Variants in BLTP2 observed in about 807,000 individuals in gnomAD.
BLTP2 encodes U937-associated antigen.
the BLTP2 span, chr17:28,632,091 G>A: frequency 5.0e-6 from 8 of 1,614,188 alleles, no homozygotes; most frequent in Non-Finnish European, 6.8e-6. Flanking sequence ...GTTGCTTGTA[G>A]TGCTGACCAA....
At chr17:28,638,452 A>G in the BLTP2 span, 1 of 1,606,904 alleles carries the variant, frequency 6.2e-7, no homozygotes, top group Admixed American at 1.7e-5. Flanking sequence ...GCATGGAGCC[A>G]CTGTGGCCAT....
At chr17:28,640,151 T>A in the BLTP2 span, 8 of 1,040,230 alleles carry the variant, frequency 7.7e-6, no homozygotes, top group Non-Finnish European at 9.6e-6. Flanking sequence ...TCCCAGCCCT[T>A]TGGGAGGCCG....
chr17:28,617,082 G>A, the BLTP2 span: 2 of 1,207,586 alleles, frequency 1.7e-6, no homozygotes, highest in Non-Finnish European at 2.4e-6. Flanking sequence ...CAGAATGAGA[G>A]GAGAAGCAAT....
At chr17:28,617,184 C>T in the BLTP2 span, 14 of 1,486,904 alleles carry the variant, frequency 9.4e-6, no homozygotes, top group South Asian at 2.3e-5. Context: ...ATAAATGCCC[C>T]GTGCTAAAAA....
chr17:28,635,417 G>A, the BLTP2 span: 2 of 1,614,058 alleles, frequency 1.2e-6, no homozygotes, highest in Admixed American at 3.3e-5. Context: ...CGCTTTGGGG[G>A]TAATGGCTCA....
At chr17:28,639,758 T>C in the BLTP2 span, 1 of 1,407,850 alleles carries the variant, frequency 7.1e-7, no homozygotes, top group Non-Finnish European at 1.0e-6. Context: ...ACTTGTGAGC[T>C]GGGGCTATTT....
the BLTP2 span, chr17:28,642,323 C>T: frequency 6.2e-7 from 1 of 1,614,184 alleles, no homozygotes. Flanking sequence ...ATAAGCTCAC[C>T]TCACAGATTA....
the BLTP2 span, chr17:28,624,104 CTATGA>C: frequency 7.5e-7 from 1 of 1,337,904 alleles, no homozygotes; most frequent in Non-Finnish European, 1.0e-6. Flanking sequence ...AAGTGATTAC[CTATGA>C]TACCTATGAG....
At chr17:28,615,083 A>G in the BLTP2 span, 2 of 1,613,692 alleles carry the variant, frequency 1.2e-6, no homozygotes, top group Non-Finnish European at 1.7e-6. Context: ...CCTGCCAAAG[A>G]TGGACTTCTT....
At chr17:28,629,721 C>T in the BLTP2 span, among the ~76,000 whole-genome samples, 3 of 152,166 alleles carry the variant, frequency 2.0e-5, no homozygotes, top group African/African-American at 4.8e-5. Context: ...TCAAATGATC[C>T]GCCCACCTTG....
chr17:28,643,360 C>T, the BLTP2 span: 1 of 1,604,362 alleles, frequency 6.2e-7, no homozygotes, highest in African/African-American at 1.3e-5. Context: ...CCTCCCATAG[C>T]AGTCTATTCC....
the BLTP2 span, chr17:28,617,246 T>C: frequency 5.0e-6 from 8 of 1,613,992 alleles, no homozygotes; most frequent in Non-Finnish European, 6.8e-6. Flanking sequence ...TAGACAGCAT[T>C]GGGGAGGAGG....
At chr17:28,638,013 C>T in the BLTP2 span, 1 of 1,614,224 alleles carries the variant, frequency 6.2e-7, no homozygotes, top group Non-Finnish European at 8.5e-7. Context: ...GATGCTTCCA[C>T]CTGAAGTCCT....
the BLTP2 span, chr17:28,639,075 C>T: frequency 1.9e-6 from 1 of 536,284 alleles, no homozygotes; most frequent in Non-Finnish European, 3.3e-6. Flanking sequence ...GTTCAACAAA[C>T]ATTTATTTTG....
At chr17:28,629,033 AC>A in the BLTP2 span, among the ~76,000 whole-genome samples, 1 of 151,872 alleles carries the variant, frequency 6.6e-6, no homozygotes, top group East Asian at 1.9e-4. Context: ...TTCAAACTAT[AC>A]CTACTGTATT....
At chr17:28,624,483 C>A in the BLTP2 span, 1 of 1,167,374 alleles carries the variant, frequency 8.6e-7, no homozygotes, top group Non-Finnish European at 1.2e-6. Flanking sequence ...CTCAATTTAT[C>A]TGGCTAGGTA....
the BLTP2 span, among the ~76,000 whole-genome samples, chr17:28,625,349 A>AG: frequency 3.3e-5 from 5 of 150,394 alleles, no homozygotes; most frequent in Admixed American, 6.6e-5. Flanking sequence ...AAAAAAAAAA[A>AG]AAAAAAAAAG....
At chr17:28,644,298 A>G in the BLTP2 span, 3 of 1,158,512 alleles carry the variant, frequency 2.6e-6, no homozygotes, top group South Asian at 4.3e-5. Context: ...ACTGGATCTG[A>G]GCAACTCTCC....
the BLTP2 span, chr17:28,632,312 G>T: frequency 7.2e-7 from 1 of 1,390,826 alleles, no homozygotes. Flanking sequence ...TTCCCTTGCT[G>T]CAGGTTGTAG....
Sources: allele counts gnomAD v4.1 joint callset (sites outside exome capture counted in the v4.1 genomes callset), GRCh38; gene constraint gnomAD v4.1.1; transcripts MANE v1.5; gene names NCBI Gene and HGNC (gene_info 2026-07-23, HGNC 2026-07-21).